Variants in PRDM5 observed in about 807,000 individuals in gnomAD.
The protein encoded by PRDM5 is PR domain zinc finger protein 5.
A neutral mutation model predicts 81.2 loss-of-function variants in PRDM5; 56 were observed. The observed-to-expected ratio is 0.69, with a 90% CI of 0.56 to 0.86. The LOEUF is 0.86. Among genes scored for constraint, PRDM5 ranks in the 40% least tolerant of loss-of-function variants. PRDM5 has a pLI of 0.00. For missense variants in PRDM5, 697 were observed against 770.1 expected (o/e 0.91, Z 1.12); for synonymous variants, 267 against 256.4 (o/e 1.04, Z -0.39).
At chr4:120,800,311 T>A (rs1365226977) in intron 8 of PRDM5, among the ~76,000 whole-genome samples, 4 of 151,840 alleles carry the variant, frequency 2.6e-5, no homozygotes, top group Admixed American at 6.6e-5. Context: ...AGCCCAGGAG[T>A]TCGAGATCAG....
chr4:120,714,120 C>T (rs905529461), intron 14 of PRDM5, among the ~76,000 whole-genome samples: 1 of 152,162 alleles, frequency 6.6e-6, no homozygotes, highest in Non-Finnish European at 1.5e-5. Flanking sequence ...AAATCATTAT[C>T]ATTTTATATA....
intron 1 of PRDM5, among the ~76,000 whole-genome samples, chr4:120,917,274 T>C (rs1363400015): frequency 6.6e-6 from 1 of 152,098 alleles, no homozygotes; most frequent in Admixed American, 6.6e-5. Flanking sequence ...TTCCCGTAGA[T>C]ATATGTTTGG....
chr4:120,716,602 G>A (rs1737781510), intron 14 of PRDM5, among the ~76,000 whole-genome samples: 1 of 152,146 alleles, frequency 6.6e-6, no homozygotes, highest in Non-Finnish European at 1.5e-5. Context: ...CTTACACAGA[G>A]CCTGCACTAT....
chr4:120,887,217 T>G, intron 2 of PRDM5, among the ~76,000 whole-genome samples: 1 of 152,300 alleles, frequency 6.6e-6, no homozygotes, highest in African/African-American at 2.4e-5. Context: ...GTGCTGGGAT[T>G]ACAGGCGTGA....
intron 2 of PRDM5, chr4:120,896,755 C>A: frequency 6.6e-6 from 1 of 152,274 alleles, no homozygotes; most frequent in African/African-American, 2.4e-5. Context: ...ACAATCTTGG[C>A]TCACTGCAGC....
intron 14 of PRDM5, among the ~76,000 whole-genome samples, chr4:120,738,196 C>T (rs977437629): frequency 8.5e-5 from 13 of 152,180 alleles, no homozygotes; most frequent in African/African-American, 2.9e-4. Flanking sequence ...TTGAGTTTGC[C>T]AGACCATCAG....
chr4:120,894,226 T>G (rs1288200177), intron 2 of PRDM5, among the ~76,000 whole-genome samples: 1 of 152,214 alleles, frequency 6.6e-6, no homozygotes, highest in East Asian at 1.9e-4. Flanking sequence ...ATTTACTTAA[T>G]AAATTTACTT....
intron 10 of PRDM5, among the ~76,000 whole-genome samples, chr4:120,796,995 T>G (rs928943772): frequency 1.3e-5 from 2 of 152,214 alleles, no homozygotes; most frequent in African/African-American, 4.8e-5. Flanking sequence ...AGATGTTGAA[T>G]ATCTTTGGAC....
At chr4:120,806,409 G>A (rs879129767) in intron 8 of PRDM5, among the ~76,000 whole-genome samples, 1 of 152,168 alleles carries the variant, frequency 6.6e-6, no homozygotes, top group East Asian at 1.9e-4. Flanking sequence ...TAAGCAAAAA[G>A]AACAAAGCTG....
chr4:120,798,009 C>T (rs1015942299), intron 10 of PRDM5, among the ~76,000 whole-genome samples: 1 of 152,082 alleles, frequency 6.6e-6, no homozygotes, highest in East Asian at 1.9e-4. Context: ...ATAAAGACTT[C>T]ACAATTAGTA....
At chr4:120,720,830 T>C (rs192669648) in intron 14 of PRDM5, among the ~76,000 whole-genome samples, 124 of 152,336 alleles carry the variant, frequency 8.1e-4, no homozygotes, top group Non-Finnish European at 1.3e-3. Flanking sequence ...CAGGTTTCTA[T>C]ATAACACATC....
intron 13 of PRDM5, among the ~76,000 whole-genome samples, chr4:120,774,904 ATATG>A (rs758454752): frequency 1.2e-3 from 134 of 111,062 alleles, no homozygotes; most frequent in African/African-American, 2.3e-3. Context: ...ATATATATAT[ATATG>A]TATATGTATA....
At chr4:120,688,674 T>C (rs1733924959), downstream of PRDM5, among the ~76,000 whole-genome samples, 1 of 152,080 alleles carries the variant, frequency 6.6e-6, no homozygotes, top group South Asian at 2.1e-4. Flanking sequence ...CTCCAACTTC[T>C]TTTTTTACAT....
chr4:120,740,834 AC>A (rs1741817613), intron 14 of PRDM5, among the ~76,000 whole-genome samples: 2 of 152,172 alleles, frequency 1.3e-5, no homozygotes, highest in Admixed American at 6.5e-5. Context: ...ACCAAACCAA[AC>A]ACACACAATA....
chr4:120,809,559 T>G (rs1229203062), intron 8 of PRDM5, among the ~76,000 whole-genome samples: 1 of 152,178 alleles, frequency 6.6e-6, no homozygotes, highest in Non-Finnish European at 1.5e-5. Flanking sequence ...GGGTAATATT[T>G]TAAAATTTGA....
chr4:120,698,909 C>G lies in PRDM5; in HGVS notation c.1729-3634G>C, dbSNP rs1410500651. Among the ~76,000 whole-genome samples, 10 of 151,932 alleles carry G rather than the reference C, an allele frequency of 6.6e-5. No homozygotes were observed. The East Asian group carries it at 1.9e-3, about 29-fold the overall frequency. The stretch of plus-strand genomic sequence containing the variant: ...ACTGTTTACTCAGACCAGTGCTTCT[C>G]TTTCACTAAGAAAATGTTTCAGCAT... On this transcript the variant is annotated intron_variant, in intron 15 of 15. Coordinates refer to ENST00000264808, the MANE Select transcript of PRDM5 (RefSeq NM_018699.4).
At chr4:120,896,045 T>C (rs1561645870) in intron 2 of PRDM5, 1 of 152,178 alleles carries the variant, frequency 6.6e-6, no homozygotes, top group Non-Finnish European at 1.5e-5. Context: ...AAACAAATTA[T>C]GGCTTCAAGC....
intron 15 of PRDM5, among the ~76,000 whole-genome samples, chr4:120,701,985 C>G (rs1035894562): frequency 3.3e-5 from 5 of 152,144 alleles, no homozygotes; most frequent in African/African-American, 1.2e-4. Context: ...GGTACAACTT[C>G]CCCTCTCTGC....
intron 2 of PRDM5, chr4:120,885,453 GT>G (rs1424255593): frequency 6.6e-5 from 10 of 152,228 alleles, no homozygotes; most frequent in Admixed American, 6.5e-4. Flanking sequence ...TATTTAACAA[GT>G]TGGAGTTGGA....
Sources: allele counts gnomAD v4.1 joint callset (sites outside exome capture counted in the v4.1 genomes callset), GRCh38; gene constraint gnomAD v4.1.1; transcripts MANE v1.5; gene names NCBI Gene and HGNC (gene_info 2026-07-23, HGNC 2026-07-21).